DISC1: variants seen among roughly 807,000 people sequenced by gnomAD.
The protein encoded by DISC1 is disrupted in schizophrenia 1 protein.
A neutral mutation model predicts 84.5 loss-of-function variants in DISC1; 57 were observed. The observed-to-expected ratio is 0.67, with a 90% confidence interval of 0.55 to 0.84. DISC1 has a LOEUF of 0.84. Among genes scored for constraint, DISC1 ranks in the 40% least tolerant of loss-of-function variants. The pLI is 0.00. For missense variants in DISC1, 1,000 were observed against 1,057.8 expected, an observed-to-expected ratio of 0.95 and a Z score of 0.76; for synonymous variants, 411 against 415.2, an observed-to-expected ratio of 0.99 and a Z score of 0.12.
At chr1:231,944,956 A>T (rs1656845838) in intron 9 of DISC1, 1 of 152,318 alleles carries the variant, frequency 6.6e-6, no homozygotes, top group South Asian at 2.1e-4. Context: ...GTTCTTAGAG[A>T]CCTACAAAGC....
At chr1:231,710,196 G>A (rs1443423188) in intron 3 of DISC1, among the ~76,000 whole-genome samples, 1 of 152,074 alleles carries the variant, frequency 6.6e-6, no homozygotes, top group Admixed American at 6.6e-5. Context: ...AAAACAATTA[G>A]CCAAGCACAA....
chr1:231,955,460 G>A (rs76381732), intron 9 of DISC1, among the ~76,000 whole-genome samples: 75 of 150,870 alleles, frequency 5.0e-4, no homozygotes, highest in African/African-American at 1.7e-3. Flanking sequence ...TGGTGGCTTA[G>A]GGTAAAAATC....
chr1:231,779,325 T>A (rs2077197243), intron 6 of DISC1, among the ~76,000 whole-genome samples: 1 of 152,180 alleles, frequency 6.6e-6, no homozygotes, highest in South Asian at 2.1e-4. Flanking sequence ...GGACTGCTTC[T>A]GGCCTATTTA....
chr1:232,031,174 A>G lies in DISC1; in HGVS notation c.2425+4622A>G, dbSNP rs75176258. 0.2 allele frequency among the ~76,000 whole-genome samples: 28,024 copies of G among 143,648 alleles called. 2,775 individuals carry two copies. Among genetic ancestry groups the G allele is most frequent in the Middle Eastern group, 0.24 (67 of 278 alleles). The allele number at this position is 143,648 out of a possible 152,430, so 94.2% of individuals were successfully genotyped here. ...GAGAGAGAGAGAGAGAACAGGAAGG[A>G]AGGAAGGGAGAAAGGAGAGACAGAG... On this transcript the variant is annotated intron_variant, in intron 12 of 12. Coordinates refer to ENST00000439617, the MANE Select transcript of DISC1 (RefSeq NM_018662.3). This position sits in a 1 kb window ranked among gnomAD's most constrained non-coding sequence, Gnocchi z 4.6.
intron 3 of DISC1, among the ~76,000 whole-genome samples, chr1:231,707,896 A>C (rs1472748694): frequency 6.6e-6 from 1 of 152,196 alleles, no homozygotes; most frequent in Non-Finnish European, 1.5e-5. Context: ...ATCCTGAAAA[A>C]TCACAGTCCT....
At chr1:231,660,737 G>A (rs896826296) in intron 1 of DISC1, among the ~76,000 whole-genome samples, 6 of 152,154 alleles carry the variant, frequency 3.9e-5, no homozygotes, top group African/African-American at 1.4e-4. Flanking sequence ...TTACAGGTGT[G>A]AGCCACTGTG....
At chr1:231,881,619 T>C (rs1019708740) in intron 9 of DISC1, among the ~76,000 whole-genome samples, 2 of 152,106 alleles carry the variant, frequency 1.3e-5, no homozygotes, top group African/African-American at 4.8e-5. Context: ...GGGGGGCACA[T>C]AATTCAACCC....
intron 9 of DISC1, among the ~76,000 whole-genome samples, chr1:231,829,543 G>T (rs533196168): frequency 2.0e-5 from 3 of 152,214 alleles, no homozygotes; most frequent in East Asian, 3.9e-4. Context: ...GTAGAGACGG[G>T]ATTATGCCAT....
chr1:231,928,851 A>G lies in DISC1; in HGVS notation c.1982-29977A>G, dbSNP rs1487556542. ...TACAGGACCAGGTTGTTCAGTTTCC[A>G]TGTAGTTGTGCGGTTTTGAGTGAGT... is the stretch of plus-strand genomic sequence containing the variant. On this transcript the variant is annotated intron_variant, in intron 9 of 12. Coordinates refer to ENST00000439617, the MANE Select transcript of DISC1 (RefSeq NM_018662.3). 2.0e-5 allele frequency among the ~76,000 whole-genome samples: 3 copies of G among 152,164 alleles called. No individual in the cohort carries two copies. The East Asian group carries it at 5.8e-4, about 29-fold the overall frequency.
At chr1:231,963,114 A>G (rs570825462) in intron 10 of DISC1, among the ~76,000 whole-genome samples, 1 of 152,148 alleles carries the variant, frequency 6.6e-6, no homozygotes, top group Non-Finnish European at 1.5e-5. Context: ...TGTCCTAAGC[A>G]TAAAGCCTAA....
chr1:231,931,400 T>C (rs1391989763), intron 9 of DISC1, among the ~76,000 whole-genome samples: 1 of 152,180 alleles, frequency 6.6e-6, no homozygotes, highest in East Asian at 1.9e-4. Context: ...TACCGGGAGA[T>C]GCCCTAGGGA....
chr1:231,806,782 G>A (rs903961784), intron 8 of DISC1, among the ~76,000 whole-genome samples: 1 of 152,258 alleles, frequency 6.6e-6, no homozygotes, highest in Non-Finnish European at 1.5e-5. Flanking sequence ...CTCACTGAAC[G>A]CTCCCGCCCT....
At chr1:231,854,417 C>A (rs1388591009) in intron 9 of DISC1, among the ~76,000 whole-genome samples, 1 of 152,114 alleles carries the variant, frequency 6.6e-6, no homozygotes, top group Non-Finnish European at 1.5e-5. Context: ...TGAAAAACTC[C>A]TGGCAAATAT....
chr1:231,963,744 G>A (rs895297626), intron 10 of DISC1, among the ~76,000 whole-genome samples: 4 of 152,178 alleles, frequency 2.6e-5, no homozygotes, highest in African/African-American at 9.7e-5. Flanking sequence ...ATTCGGCTAG[G>A]AGCTTCGGCA....
intron 9 of DISC1, among the ~76,000 whole-genome samples, chr1:231,879,409 T>G (rs766050956): frequency 6.6e-5 from 10 of 152,004 alleles, no homozygotes; most frequent in South Asian, 4.1e-4. Flanking sequence ...CATTTCAATT[T>G]GTACTCCCAC....
chr1:231,664,084 A>ATCCG (rs1281168488), intron 1 of DISC1, among the ~76,000 whole-genome samples: 1 of 147,160 alleles, frequency 6.8e-6, no homozygotes, highest in African/African-American at 2.5e-5. Context: ...CCATCCGTCT[A>ATCCG]TCTATGTCTA....
intron 3 of DISC1, among the ~76,000 whole-genome samples, chr1:231,732,528 A>C (rs1025005740): frequency 2.0e-5 from 3 of 152,254 alleles, no homozygotes; most frequent in African/African-American, 4.8e-5. Context: ...ATACAGTATA[A>C]ATAAAAGAAA....
intron 9 of DISC1, among the ~76,000 whole-genome samples, chr1:231,841,540 T>G (rs1343653283): frequency 2.0e-5 from 3 of 152,244 alleles, no homozygotes; most frequent in African/African-American, 7.2e-5. Context: ...CTTTTACAAA[T>G]GTGCAAATGT....
intron 12 of DISC1, among the ~76,000 whole-genome samples, chr1:232,028,595 G>A (rs1428563214): frequency 6.6e-6 from 1 of 152,156 alleles, no homozygotes; most frequent in African/African-American, 2.4e-5. Context: ...CATCTGTAAT[G>A]TCAGGATAAC....
Sources: gnomAD v4.1 joint callset for allele counts (sites outside exome capture counted in the v4.1 genomes callset) on GRCh38, gnomAD v4.1.1 for gene constraint, Gnocchi (gnomAD v3.1) non-coding constraint, MANE v1.5 for transcripts, NCBI Gene and HGNC (gene_info 2026-07-23, HGNC 2026-07-21) for gene names.